The following ADARB2 variants were observed in gnomAD, a reference collection of about 807,000 sequenced individuals.
ADARB2 encodes the protein inactive double-stranded RNA-specific editase B2.
Under a neutral mutation model 62.2 loss-of-function variants are expected in ADARB2, and 25 were observed. The ratio of observed to expected loss-of-function variants is 0.40; its 90% CI spans 0.29 to 0.56. ADARB2 has a LOEUF of 0.56. ADARB2 is among the 20% of genes least tolerant of loss of function. ADARB2 has a pLI of 0.43. For missense variants in ADARB2, 1,071 were observed against 1,077.4 expected, an observed-to-expected ratio of 0.99 and a Z score of 0.08; for synonymous variants, 572 against 500.8, an observed-to-expected ratio of 1.14 and a Z score of -1.90.
At chr10:1,644,271 A>G (rs868526555) in intron 1 of ADARB2, among the ~76,000 whole-genome samples, 5 of 152,236 alleles carry the variant, frequency 3.3e-5, no homozygotes, top group Admixed American at 2.0e-4. Context: ...CTACTGATTT[A>G]CTGCGCTGGG....
chr10:1,279,920 G>T (rs1831355488), intron 3 of ADARB2, among the ~76,000 whole-genome samples: 1 of 152,198 alleles, frequency 6.6e-6, no homozygotes, highest in East Asian at 1.9e-4. Context: ...AAGTTTTGTT[G>T]AGGCTCAGGA....
chr10:1,541,307 A>G (rs868822544), intron 1 of ADARB2, among the ~76,000 whole-genome samples: 11 of 33,616 alleles, frequency 3.3e-4, no homozygotes, highest in Non-Finnish European at 3.8e-4. Flanking sequence ...GACGCAGTTC[A>G]GACCCTGGAT....
intron 1 of ADARB2, among the ~76,000 whole-genome samples, chr10:1,466,636 G>A (rs1040662340): frequency 1.4e-4 from 21 of 152,216 alleles, no homozygotes; most frequent in Non-Finnish European, 2.6e-4. Context: ...AGGAACACTG[G>A]AGGTGGTTGA....
chr10:1,538,535 A>G (rs1040570716), intron 1 of ADARB2, among the ~76,000 whole-genome samples: 1 of 152,194 alleles, frequency 6.6e-6, no homozygotes, highest in Non-Finnish European at 1.5e-5. Context: ...CGGCCCCCAG[A>G]GGACATGCTG....
intron 1 of ADARB2, among the ~76,000 whole-genome samples, chr10:1,591,199 G>C (rs1833248396): frequency 6.6e-6 from 1 of 152,196 alleles, no homozygotes; most frequent in Admixed American, 6.5e-5. Context: ...AGTTTGATGG[G>C]TGTGGGTGGG....
intron 1 of ADARB2, among the ~76,000 whole-genome samples, chr10:1,436,820 A>G (rs752564007): frequency 6.6e-6 from 1 of 152,202 alleles, no homozygotes; most frequent in Non-Finnish European, 1.5e-5. Context: ...TATTGACTAT[A>G]TCCTCTTTCA....
intron 3 of ADARB2, among the ~76,000 whole-genome samples, chr10:1,330,929 C>T (rs1019928766): frequency 1.3e-5 from 2 of 152,132 alleles, no homozygotes; most frequent in Non-Finnish European, 2.9e-5. Context: ...CATTTTATAA[C>T]TCAGCAATAA....
chr10:1,690,372 G>T (rs1386190057), intron 1 of ADARB2, among the ~76,000 whole-genome samples: 4 of 152,210 alleles, frequency 2.6e-5, no homozygotes, highest in Non-Finnish European at 5.9e-5. Flanking sequence ...TGTCGTGTGT[G>T]GGTGTAGAAT....
At chr10:1,215,188 G>A (rs907187040) in intron 7 of ADARB2, among the ~76,000 whole-genome samples, 14 of 152,260 alleles carry the variant, frequency 9.2e-5, no homozygotes, top group African/African-American at 3.4e-4. Flanking sequence ...TCGGGCTTAG[G>A]ATGGGTAAAC....
At chr10:1,209,203 C>G (rs1448981990) in intron 7 of ADARB2, among the ~76,000 whole-genome samples, 1 of 152,130 alleles carries the variant, frequency 6.6e-6, no homozygotes, top group East Asian at 1.9e-4. Flanking sequence ...ACAACCCCAT[C>G]AGCACAGGGT....
chr10:1,280,316 A>AT (rs759306054), intron 3 of ADARB2, among the ~76,000 whole-genome samples: 3 of 152,102 alleles, frequency 2.0e-5, no homozygotes, highest in Admixed American at 6.5e-5. Flanking sequence ...CCCTTTCTGA[A>AT]CCCATGTCAT....
At chr10:1,344,676 G>T (rs1338982801) in intron 3 of ADARB2, among the ~76,000 whole-genome samples, 9 of 152,204 alleles carry the variant, frequency 5.9e-5, no homozygotes, top group African/African-American at 1.9e-4. Flanking sequence ...TCAGCAACTG[G>T]TGCTAGGAGG....
intron 1 of ADARB2, among the ~76,000 whole-genome samples, chr10:1,521,774 C>A (rs111853101): frequency 0.031 from 4,613 of 149,092 alleles, 232 homozygotes; most frequent in African/African-American, 0.11. Context: ...GGCACCCCCC[C>A]ATCCACCCCC....
In ADARB2 at chr10:1,406,750, G is replaced by A. The variant is rs190139701; in HGVS notation, c.101-27590C>T. Among the ~76,000 whole-genome samples, 217 of 152,282 alleles carry A rather than the reference G, an allele frequency of 1.4e-3. 1 individual carries two copies. Among genetic ancestry groups the A allele is most frequent in the Non-Finnish European group, 2.6e-3 (175 of 68,020 alleles). ...TGGATCTGGGGCTGCCCACGGGTTC[G>A]ATGACACCAACGCCCTTTCCCCCAT... On this transcript the variant is annotated intron_variant, in intron 1 of 9. Coordinates refer to ENST00000381312, the MANE Select transcript of ADARB2 (RefSeq NM_018702.4).
chr10:1,302,400 G>C (rs571901587), intron 3 of ADARB2, among the ~76,000 whole-genome samples: 125 of 152,348 alleles, frequency 8.2e-4, no homozygotes, highest in African/African-American at 2.9e-3. Flanking sequence ...CTCGCTGATT[G>C]CTAGCACAGC....
chr10:1,458,032 C>A (rs993773648), intron 1 of ADARB2, among the ~76,000 whole-genome samples: 1 of 151,820 alleles, frequency 6.6e-6, no homozygotes, highest in South Asian at 2.1e-4. Context: ...CTTTAAATAT[C>A]GAAGTTCCCC....
chr10:1,345,729 C>T (rs565533803), intron 3 of ADARB2, among the ~76,000 whole-genome samples: 6 of 152,270 alleles, frequency 3.9e-5, no homozygotes, highest in Non-Finnish European at 5.9e-5. Flanking sequence ...TCCACATGGA[C>T]GCATGACTCT....
intron 6 of ADARB2, among the ~76,000 whole-genome samples, chr10:1,222,455 A>G (rs1830703697): frequency 6.6e-6 from 1 of 151,084 alleles, no homozygotes; most frequent in East Asian, 1.9e-4. Flanking sequence ...TTTTGTTGCC[A>G]TTGCTTTTGG....
At chr10:1,606,328 G>T (rs1022134712) in intron 1 of ADARB2, among the ~76,000 whole-genome samples, 1 of 151,306 alleles carries the variant, frequency 6.6e-6, no homozygotes, top group Middle Eastern at 3.4e-3. Flanking sequence ...GCGGGGGGGA[G>T]CATCCTGGCT....
Sources: allele counts gnomAD v4.1 joint callset (sites outside exome capture counted in the v4.1 genomes callset), GRCh38; gene constraint gnomAD v4.1.1; transcripts MANE v1.5; gene names NCBI Gene and HGNC (gene_info 2026-07-23, HGNC 2026-07-21).